Variants in ZNF804A observed in about 807,000 individuals in gnomAD.
ZNF804A encodes zinc finger protein 804A.
Under a neutral mutation model 16.5 loss-of-function variants are expected in ZNF804A, and 2 were observed. The observed-to-expected ratio is 0.12, with a 90% confidence interval of 0.05 to 0.38. The LOEUF (loss-of-function observed/expected upper bound fraction) is 0.38, where lower values mean the gene tolerates loss of function less well. ZNF804A is among the 10% of genes least tolerant of loss of function. The pLI is 0.99. For missense variants in ZNF804A, 1,473 were observed against 1,390.7 expected, an observed-to-expected ratio of 1.06 and a Z score of -0.94; for synonymous variants, 534 against 489.6, an observed-to-expected ratio of 1.09 and a Z score of -1.20.
intron 1 of ZNF804A, among the ~76,000 whole-genome samples, chr2:184,817,025 A>C (rs954406171): frequency 1.3e-5 from 2 of 152,002 alleles, no homozygotes; most frequent in Non-Finnish European, 2.9e-5. Flanking sequence ...TTGTAGTTAA[A>C]AGAGGGCAGT....
intron 1 of ZNF804A, among the ~76,000 whole-genome samples, chr2:184,834,794 T>A (rs952419440): frequency 5.9e-5 from 9 of 152,176 alleles, no homozygotes; most frequent in African/African-American, 2.2e-4. Flanking sequence ...GAAATATACA[T>A]GCTTCAATTT....
intron 1 of ZNF804A, among the ~76,000 whole-genome samples, chr2:184,795,958 T>G (rs918195638): frequency 4.0e-5 from 6 of 150,450 alleles, no homozygotes; most frequent in African/African-American, 1.5e-4. Flanking sequence ...TGCTTTTTTT[T>G]TACATCTATT....
chr2:184,872,836 C>A (rs1240768991), intron 2 of ZNF804A, among the ~76,000 whole-genome samples: 2 of 152,062 alleles, frequency 1.3e-5, no homozygotes. Flanking sequence ...CTAACAGTTA[C>A]CAAGACTATT....
At chr2:184,845,672 A>G (rs1238649545) in intron 1 of ZNF804A, among the ~76,000 whole-genome samples, 1 of 152,162 alleles carries the variant, frequency 6.6e-6, no homozygotes, top group Non-Finnish European at 1.5e-5. Context: ...ATTTCACATT[A>G]GTTACTACTC....
At position 184,937,694 on chromosome 2, in the gene ZNF804A, A is replaced by C; in HGVS notation, c.2298A>C (p.Glu766Asp). The C allele has an allele frequency of 3.1e-6, 5 of 1,614,090 alleles. No homozygotes were observed. The highest frequency in any genetic ancestry group is 4.2e-6 in the Non-Finnish European group (5 of 1,179,978). The change falls in exon 4 of 4, where the codon GAA becomes GAC. Residue 766 changes from glutamate to aspartate, a missense_variant. Glu to Asp is a conservative substitution (Grantham distance 45, BLOSUM62 2). Transcript: ENST00000302277. ...ACAATTCTGTCATGAATGAATCAGA[A>C]AGATTCTATCGAAAACGTAGACAAC... is the stretch of plus-strand genomic sequence containing the variant. ...RGYNSVMNES[E>D]RFYRKRRQHS...
chr2:184,636,476 A>G (rs1462636709), intron 1 of ZNF804A, among the ~76,000 whole-genome samples: 4 of 124,374 alleles, frequency 3.2e-5, no homozygotes, highest in Non-Finnish European at 5.1e-5. Flanking sequence ...AGAGAGAGAG[A>G]GGTAAATATT....
At chr2:184,617,721 T>C (rs1177370749) in intron 1 of ZNF804A, among the ~76,000 whole-genome samples, 2 of 151,608 alleles carry the variant, frequency 1.3e-5, no homozygotes. Flanking sequence ...AATTATTTAA[T>C]ACAGTTTTAT....
At chr2:184,830,841 A>G (rs1695252787) in intron 1 of ZNF804A, among the ~76,000 whole-genome samples, 1 of 152,112 alleles carries the variant, frequency 6.6e-6, no homozygotes, top group Non-Finnish European at 1.5e-5. Context: ...TATATGATGG[A>G]ATCTGGCTTG....
chr2:184,808,919 C>A (rs1222760019), intron 1 of ZNF804A, among the ~76,000 whole-genome samples: 3 of 151,632 alleles, frequency 2.0e-5, no homozygotes, highest in Non-Finnish European at 3.0e-5. Flanking sequence ...AAAAACAAAA[C>A]AAAGCAAAAT....
chr2:184,848,240 G>A (rs1695549810), intron 1 of ZNF804A, among the ~76,000 whole-genome samples: 1 of 151,920 alleles, frequency 6.6e-6, no homozygotes, highest in African/African-American at 2.4e-5. Context: ...TAATCACTTG[G>A]GAGAATCCAA....
intron 1 of ZNF804A, among the ~76,000 whole-genome samples, chr2:184,769,841 T>G (rs188192076): frequency 6.6e-6 from 1 of 152,186 alleles, no homozygotes; most frequent in East Asian, 1.9e-4. Context: ...GCTCAGATGT[T>G]TGCCAAGTAA....
intron 1 of ZNF804A, among the ~76,000 whole-genome samples, chr2:184,692,180 T>C (rs1159342107): frequency 2.0e-5 from 3 of 152,200 alleles, no homozygotes; most frequent in Non-Finnish European, 4.4e-5. Flanking sequence ...TATCTCTGTA[T>C]ATGCATGTGT....
chr2:184,710,488 C>T (rs570091061), intron 1 of ZNF804A, among the ~76,000 whole-genome samples: 1 of 151,244 alleles, frequency 6.6e-6, no homozygotes, highest in Admixed American at 6.6e-5. Context: ...TAAATTTTAC[C>T]CTTTCTTTCT....
chr2:184,937,167 C>T lies in ZNF804A; in HGVS notation c.1771C>T (p.His591Tyr), dbSNP rs1036625851. Reference protein sequence around the residue: ...RLKETHEYWFHKSRRKKKRKK... With the variant: ...RLKETHEYWFYKSRRKKKRKK... Reference sequence around the variant, plus strand: ...GAAAGAGACCCATGAATACTGGTTCCATAAAAGTAGAAGAAAGAAAAAAAG... The same window carrying T: ...GAAAGAGACCCATGAATACTGGTTCTATAAAAGTAGAAGAAAGAAAAAAAG... The change falls in exon 4 of 4, where the codon CAT (histidine) becomes TAT (tyrosine). Residue 591 changes from histidine (H) to tyrosine (Y), a missense_variant. His to Tyr is a moderately conservative substitution (Grantham distance 83). Transcript: ENST00000302277. 6.2e-7 allele frequency: 1 copy of T among 1,600,682 alleles called. No individual in the cohort carries two copies. Among genetic ancestry groups the T allele is most frequent in the Non-Finnish European group, 8.5e-7 (1 of 1,176,884 alleles).
At chr2:184,605,866 C>T (rs906057988) in intron 1 of ZNF804A, among the ~76,000 whole-genome samples, 1 of 152,064 alleles carries the variant, frequency 6.6e-6, no homozygotes, top group Non-Finnish European at 1.5e-5. Context: ...TTATAGTACA[C>T]TTCCTATTAC....
At chr2:184,632,794 G>A (rs561937280) in intron 1 of ZNF804A, among the ~76,000 whole-genome samples, 1 of 152,284 alleles carries the variant, frequency 6.6e-6, no homozygotes, top group Non-Finnish European at 1.5e-5. Context: ...AAAAGGGGAA[G>A]ACAAAGAAAT....
rs750343969 is a variant in ZNF804A, at chr2:184,936,624, A to G, written c.1228A>G (p.Thr410Ala). 2 of 1,614,060 alleles carry G rather than the reference A, an allele frequency of 1.2e-6. No individual in the cohort carries two copies. The highest frequency in any genetic ancestry group is 1.7e-6 in the Non-Finnish European group (2 of 1,179,960). Residue 410 changes from threonine (T) to alanine (A), a missense_variant, in exon 4 of 4, where the codon ACT becomes GCT. Coordinates refer to ENST00000302277, the MANE Select transcript of ZNF804A (RefSeq NM_194250.2). ...TTCAAATACTGAAGAGGTTAACATA[A>G]CTATACATAAGAAAACAAATTTCTG... ...APSNTEEVNI[T>A]IHKKTNFCKR...
At chr2:184,665,808 G>C (rs562579497) in intron 1 of ZNF804A, among the ~76,000 whole-genome samples, 1 of 152,214 alleles carries the variant, frequency 6.6e-6, no homozygotes, top group Admixed American at 6.5e-5. Flanking sequence ...TTCTCCTGAG[G>C]CCAGTCTCTA....
intron 1 of ZNF804A, among the ~76,000 whole-genome samples, chr2:184,851,060 T>C (rs1326176924): frequency 6.6e-6 from 1 of 151,852 alleles, no homozygotes; most frequent in Non-Finnish European, 1.5e-5. Context: ...ATAAAATTTA[T>C]TTTTAATTGG....
Sources: gnomAD v4.1 joint callset for allele counts (sites outside exome capture counted in the v4.1 genomes callset) on GRCh38, gnomAD v4.1.1 for gene constraint, MANE v1.5 for transcripts, NCBI Gene and HGNC (gene_info 2026-07-23, HGNC 2026-07-21) for gene names.